Variants in NUCKS1 observed in about 807,000 individuals in gnomAD.
NUCKS1 encodes the protein nuclear casein kinase and cyclin dependent kinase substrate 1, also known as nuclear ubiquitous casein and cyclin-dependent kinase substrate 1.
In NUCKS1, 2 loss-of-function variants were observed where a neutral mutation model predicts 33.0. The ratio of observed to expected loss-of-function variants is 0.06; its 90% CI spans 0.02 to 0.19. NUCKS1 has a LOEUF of 0.19. NUCKS1 is among the 10% of genes least tolerant of loss of function. The pLI is 1.00. For synonymous variants in NUCKS1, 106 were observed against 102.8 expected (o/e 1.03, Z -0.19); for missense variants, 201 against 293.6 (o/e 0.68, Z 2.31).
chr1:205,717,188 A>C lies in NUCKS1; in HGVS notation c.*1092T>G, dbSNP rs993067257. ...TGAAAAAGAAAATGTTCTATCCCCAAATAAAAGCAGAGCATGGTTAATGGG... is the reference window on the plus strand; with the variant it reads ...TGAAAAAGAAAATGTTCTATCCCCACATAAAAGCAGAGCATGGTTAATGGG... On this transcript the variant is annotated 3_prime_UTR_variant, in exon 7 of 7. Coordinates refer to ENST00000367142, the MANE Select transcript of NUCKS1 (RefSeq NM_022731.5). 5.3e-5 allele frequency: 22 copies of C among 412,636 alleles called. No homozygotes were observed. Among genetic ancestry groups the C allele is most frequent in the Middle Eastern group, 6.7e-4 (1 of 1,486 alleles). The allele number at this position is 412,636 out of a possible 1,614,324, so 25.6% of individuals were successfully genotyped here. A position where few individuals can be genotyped will look rare whatever the true frequency, so the allele number is the denominator to read the frequency against.
intron 3 of NUCKS1, among the ~76,000 whole-genome samples, chr1:205,724,702 C>G (rs956499869): frequency 2.0e-5 from 3 of 151,448 alleles, no homozygotes; most frequent in Admixed American, 1.3e-4. Flanking sequence ...CCCACCCCCC[C>G]CAAAAAAAGG....
chr1:205,742,011 C>T (rs954276374), intron 1 of NUCKS1, among the ~76,000 whole-genome samples: 6 of 152,200 alleles, frequency 3.9e-5, no homozygotes, highest in African/African-American at 1.4e-4. Context: ...GAGCAGTAGT[C>T]ACTCAAGGAA....
intron 3 of NUCKS1, among the ~76,000 whole-genome samples, chr1:205,725,959 G>A (rs1237302931): frequency 1.3e-5 from 2 of 152,146 alleles, no homozygotes; most frequent in Non-Finnish European, 2.9e-5. Context: ...CCAACACTTT[G>A]GGAGGCCGAG....
chr1:205,726,897 T>A (rs1445075461), intron 3 of NUCKS1, among the ~76,000 whole-genome samples: 1 of 152,192 alleles, frequency 6.6e-6, no homozygotes, highest in Non-Finnish European at 1.5e-5. Flanking sequence ...AACAAGTTCA[T>A]GTTACATCAA....
chr1:205,718,312 A>AC lies in NUCKS1; in HGVS notation c.699dup (p.Ser234ValfsTer2). 1 of 1,605,952 alleles carries AC rather than the reference A, an allele frequency of 6.2e-7. No homozygotes were observed. Among genetic ancestry groups the AC allele is most frequent in the South Asian group, 1.1e-5 (1 of 90,578 alleles). ...TCCCCAGAAGGGGCTTCATCTTCAG[A>AC]CCCTTCATCCCCAGATTTCTCGGGT... On this transcript the variant is annotated frameshift_variant, in exon 7 of 7. Transcript: ENST00000367142. LOFTEE classifies it high-confidence loss of function.
intron 1 of NUCKS1, among the ~76,000 whole-genome samples, chr1:205,743,377 T>C (rs896768849): frequency 6.6e-6 from 1 of 152,172 alleles, no homozygotes; most frequent in Non-Finnish European, 1.5e-5. Context: ...CTGAAATCCG[T>C]TTCCTGATAC....
chr1:205,719,714 T>A, intron 5 of NUCKS1, 38 bp from the exon 6 acceptor site: 1 of 1,588,122 alleles, frequency 6.3e-7, no homozygotes, highest in Non-Finnish European at 8.5e-7. Flanking sequence ...TAACTTAATG[T>A]ACACATCCTT....
intron 1 of NUCKS1, among the ~76,000 whole-genome samples, chr1:205,746,436 TTCTCTC>T (rs10539047): frequency 0.049 from 7,188 of 146,238 alleles, 221 homozygotes; most frequent in Admixed American, 0.098. Flanking sequence ...ATAAACTCAC[TTCTCTC>T]TCTCTCTCTC....
rs770620842 is a variant in NUCKS1, at chr1:205,729,636, G to A, written c.18-15C>T. ...CCTTCCTATTTCTGTAGAAAGAAGA[G>A]ACTCTAATTAAAATCATAAAACTGT... On this transcript the variant is annotated splice_polypyrimidine_tract_variant and intron_variant, in intron 1 of 6. Coordinates refer to ENST00000367142, the MANE Select transcript of NUCKS1 (RefSeq NM_022731.5). The A allele has an allele frequency of 1.9e-6, 3 of 1,577,766 alleles. No homozygotes were observed. The African/African-American group carries it at 4.0e-5, about 21-fold the overall frequency.
chr1:205,727,676 G>T, intron 3 of NUCKS1, 24 bp downstream of exon 3: 1 of 1,468,690 alleles, frequency 6.8e-7, no homozygotes, highest in Non-Finnish European at 9.5e-7. Flanking sequence ...GTGTAAGCAG[G>T]AACAGAAAAA....
chr1:205,727,168 T>C (rs890536005), intron 3 of NUCKS1, among the ~76,000 whole-genome samples: 1 of 152,134 alleles, frequency 6.6e-6, no homozygotes, highest in African/African-American at 2.4e-5. Context: ...TCTCCTTATA[T>C]TGCCCAGGCT....
At chr1:205,738,976 A>ACTC (rs1301850837) in intron 1 of NUCKS1, among the ~76,000 whole-genome samples, 1 of 152,018 alleles carries the variant, frequency 6.6e-6, no homozygotes, top group Non-Finnish European at 1.5e-5. Context: ...CATTATGAAG[A>ACTC]CTCCTGACCT....
At chr1:205,746,480 CACACACACT>C (rs1654335443) in intron 1 of NUCKS1, among the ~76,000 whole-genome samples, 1 of 143,914 alleles carries the variant, frequency 6.9e-6, no homozygotes, top group Non-Finnish European at 1.6e-5. Flanking sequence ...CACACACACA[CACACACACT>C]AGAGAATAAG....
At chr1:205,749,076 A>G (rs1418649225) in intron 1 of NUCKS1, among the ~76,000 whole-genome samples, 2 of 152,156 alleles carry the variant, frequency 1.3e-5, no homozygotes, top group Non-Finnish European at 2.9e-5. Context: ...TTATTACTAA[A>G]GTCACTCGGG....
chr1:205,722,076 A>G (rs115534843), intron 4 of NUCKS1, among the ~76,000 whole-genome samples: 3 of 151,984 alleles, frequency 2.0e-5, no homozygotes, highest in Non-Finnish European at 4.4e-5. Context: ...TTAATGAAAA[A>G]AAAATTTTTT....
chr1:205,743,604 A>G (rs1017483529), intron 1 of NUCKS1, among the ~76,000 whole-genome samples: 1 of 152,216 alleles, frequency 6.6e-6, no homozygotes, highest in Admixed American at 6.5e-5. Context: ...GACTCACAGA[A>G]AGATTGTTTT....
chr1:205,744,715 C>T (rs925746299), intron 1 of NUCKS1, among the ~76,000 whole-genome samples: 9 of 141,896 alleles, frequency 6.3e-5, no homozygotes, highest in Non-Finnish European at 1.4e-4. Context: ...TCACTGCAAC[C>T]TCCGCCTCCT....
rs78311899 is a variant in NUCKS1 at position 205,718,085 on chromosome 1, TAAAAAAAA to T, written c.*187_*194del. 9.8e-7 allele frequency: 1 copy of T among 1,020,368 alleles called. No homozygotes were observed. 63.2% of individuals were successfully genotyped at this position (1,020,368 alleles called of 1,614,324 possible). On this transcript the variant is annotated 3_prime_UTR_variant, in exon 7 of 7. Coordinates refer to ENST00000367142, the MANE Select transcript of NUCKS1 (RefSeq NM_022731.5). Reference sequence around the variant, plus strand: ...CACTTACACATACAATGGTTTGCTTTAAAAAAAAAAAAAAAAAAAGAGAGAGAGAGAGA... The same window carrying T: ...CACTTACACATACAATGGTTTGCTTTAAAAAAAAAAAGAGAGAGAGAGAGA...
At chr1:205,746,752 CAAACAA>C (rs1286605426) in intron 1 of NUCKS1, among the ~76,000 whole-genome samples, 1 of 152,158 alleles carries the variant, frequency 6.6e-6, no homozygotes, top group African/African-American at 2.4e-5. Context: ...ATAAACATGA[CAAACAA>C]TAAAATAAAT....
Sources: gnomAD v4.1 joint callset for allele counts (sites outside exome capture counted in the v4.1 genomes callset) on GRCh38, gnomAD v4.1.1 for gene constraint, MANE v1.5 for transcripts, NCBI Gene and HGNC (gene_info 2026-07-23, HGNC 2026-07-21) for gene names.